IGDCC4: variants seen among roughly 807,000 people sequenced by gnomAD.
IGDCC4 encodes the protein likely ortholog of mouse neighbor of Punc E11.
IGDCC4 carries 72 observed loss-of-function variants against 116.6 expected under a neutral mutation model. The observed-to-expected ratio is 0.62, with a 90% CI of 0.51 to 0.75. IGDCC4 has a LOEUF of 0.75. Ranked by LOEUF, IGDCC4 falls within the 30% of genes least tolerant of loss-of-function variation. IGDCC4 has a pLI of 0.00. For synonymous variants in IGDCC4, 709 were observed against 719.9 expected (o/e 0.98, Z 0.24); for missense variants, 1,501 against 1,662.4 (o/e 0.90, Z 1.69).
chr15:65,416,240 A>C (rs951939580), intron 1 of IGDCC4, among the ~76,000 whole-genome samples: 1 of 142,718 alleles, frequency 7.0e-6, no homozygotes, highest in African/African-American at 2.7e-5. Context: ...CGGGTTCGAG[A>C]CATTCTCCTG....
Position 65,382,055 on chromosome 15 carries a change from A to C in IGDCC4, c.*1954T>G, listed in dbSNP as rs993605159. The C allele has an allele frequency of 1.3e-5, 2 of 152,574 alleles. No individual in the cohort carries two copies. Among genetic ancestry groups the C allele is most frequent in the African/African-American group, 4.8e-5 (2 of 41,436 alleles). 9.5% of individuals were successfully genotyped at this position (152,574 alleles called of 1,614,324 possible). ...GTATAATGCTAAGAGCCTACTGTTA[A>C]AACAGCCATTTAATTCAGGGCAGTT... is the stretch of plus-strand genomic sequence containing the variant. On this transcript the variant is annotated 3_prime_UTR_variant, in exon 20 of 20. Transcript: ENST00000352385.
Position 65,393,317 on chromosome 15 carries a change from C to T in IGDCC4, c.1885+44G>A. On this transcript the variant is annotated intron_variant, in intron 10 of 19. Coordinates refer to ENST00000352385, the MANE Select transcript of IGDCC4 (RefSeq NM_020962.3). The surrounding 1 kb of genome is among the most constrained non-coding windows in gnomAD (Gnocchi z 4.6). ...GGTCCCAAGGACACACGCACACCCACACAGTCACACACACACTGTCCTGTC... is the reference window on the plus strand; with the variant it reads ...GGTCCCAAGGACACACGCACACCCATACAGTCACACACACACTGTCCTGTC... The T allele has an allele frequency of 6.5e-7, 1 of 1,542,322 alleles. No individual in the cohort carries two copies. The highest frequency in any genetic ancestry group is 2.4e-5 in the East Asian group (1 of 42,414).
At chr15:65,417,751 A>T (rs2140242785) in intron 1 of IGDCC4, among the ~76,000 whole-genome samples, 1 of 152,100 alleles carries the variant, frequency 6.6e-6, no homozygotes, top group South Asian at 2.1e-4. Context: ...GTGCGCCACC[A>T]TGCCTGGCTA....
In IGDCC4 at chr15:65,382,378, C is replaced by T. The variant is rs1370913724; in HGVS notation, c.*1631G>A. On this transcript the variant is annotated 3_prime_UTR_variant, in exon 20 of 20. Transcript: ENST00000352385. Reference sequence around the variant, plus strand: ...ATGCTTTCAGGGTTTGAGGAAGCCGCAACTGTGCTGAGAGACATTCCACCA... The same window carrying T: ...ATGCTTTCAGGGTTTGAGGAAGCCGTAACTGTGCTGAGAGACATTCCACCA... 6.9e-6 allele frequency: 1 copy of T among 144,866 alleles called. No homozygotes were observed. Among genetic ancestry groups the T allele is most frequent in the Non-Finnish European group, 1.5e-5 (1 of 66,894 alleles). The allele number at this position is 144,866 out of a possible 1,614,324, so 9.0% of individuals were successfully genotyped here.
intron 5 of IGDCC4, among the ~76,000 whole-genome samples, chr15:65,398,533 CAAA>C (rs3082803): frequency 0.011 from 885 of 77,616 alleles, 11 homozygotes; most frequent in South Asian, 0.066. Context: ...AACTCCATCT[CAAA>C]AAAAAAAAAA....
At position 65,383,825 on chromosome 15, in the gene IGDCC4, T is replaced by C. The variant is rs1051179291; in HGVS notation, c.*184A>G. 3 of 521,980 alleles carry C rather than the reference T, an allele frequency of 5.7e-6. No individual in the cohort carries two copies. Among genetic ancestry groups the C allele is most frequent in the Non-Finnish European group, 1.0e-5 (3 of 298,288 alleles). 32.3% of individuals were successfully genotyped at this position (521,980 alleles called of 1,614,324 possible). Reference sequence around the variant, plus strand: ...ATGTCTTTCACATGTCACATGTGTATCACAAAGAGTATGGGGGGAGTGAAT... The same window carrying C: ...ATGTCTTTCACATGTCACATGTGTACCACAAAGAGTATGGGGGGAGTGAAT... On this transcript the variant is annotated 3_prime_UTR_variant, in exon 20 of 20. Transcript: ENST00000352385.
chr15:65,396,128 A>C lies in IGDCC4; in HGVS notation c.1033T>G (p.Ser345Ala). ...CGCGCTGTGCTCGCCCGCGTCCGCG[A>C]CAGCGCCTCGGGCGCCTGAGTGATG... ...PAITQAPEAL[S>A]RTRASTARFV... is the part of the protein sequence containing the mutation. The change falls in exon 7 of 20, where the codon TCG becomes GCG. Residue 345 changes from serine to alanine, a missense_variant. Around this residue, in one of 3 missense-constraint regions of IGDCC4, gnomAD observed 898 missense variants for 978.9 expected, o/e 0.92. Transcript: ENST00000352385. The C allele has an allele frequency of 6.8e-7, 1 of 1,460,824 alleles. No individual in the cohort carries two copies. The highest frequency in any genetic ancestry group is 9.0e-7 in the Non-Finnish European group (1 of 1,113,392). The allele number at this position is 1,460,824 out of a possible 1,614,324, so 90.5% of individuals were successfully genotyped here.
intron 3 of IGDCC4, among the ~76,000 whole-genome samples, chr15:65,406,127 G>A (rs986673764): frequency 7.2e-5 from 11 of 152,212 alleles, no homozygotes; most frequent in South Asian, 4.1e-4. Context: ...AGTGAATGGC[G>A]ATAACAAAAT....
chr15:65,384,054 T>C lies in IGDCC4; in HGVS notation c.3708A>G (p.Gly1236=), dbSNP rs1567077808. The part of the protein sequence containing the change: ...SCQLKSPCPL[G]ASPGLPRSPV... ...GGGATCTGGGCAGGCCTGGGCTGGC[T>C]CCTAGAGGGCAGGGGGATTTGAGCT... The change falls in exon 20 of 20, where the codon GGA becomes GGG. Residue 1236 remains glycine, a synonymous_variant. Coordinates refer to ENST00000352385, the MANE Select transcript of IGDCC4 (RefSeq NM_020962.3). This position sits in a 1 kb window ranked among gnomAD's most constrained non-coding sequence, Gnocchi z 4.9. 1.2e-6 allele frequency: 2 copies of C among 1,612,402 alleles called. No individual in the cohort carries two copies. Among genetic ancestry groups the C allele is most frequent in the Non-Finnish European group, 8.5e-7 (1 of 1,178,918 alleles).
At chr15:65,410,956 T>A in intron 2 of IGDCC4, 64 bp downstream of exon 2, 1 of 1,341,530 alleles carries the variant, frequency 7.5e-7, no homozygotes, top group African/African-American at 1.5e-5. Flanking sequence ...TAACTGCAGA[T>A]CCCACTTCGC....
At position 65,411,047 on chromosome 15, in the gene IGDCC4, T is replaced by C. The variant is rs1399395193; in HGVS notation, c.394A>G (p.Ser132Gly). Residue 132 changes from serine to glycine, a missense_variant, in exon 2 of 20, where the codon AGC (serine) becomes GGC (glycine). Around this residue, in one of 3 missense-constraint regions of IGDCC4, gnomAD observed 898 missense variants for 978.9 expected, o/e 0.92. Transcript: ENST00000352385. The part of the protein sequence containing the change: ...LAHGPLGVLA[S>G]QTAVVKLATL... ...GCAAGCTTGACGACAGCAGTCTGGC[T>C]GGCCAGCACTCCGAGGGGGCCGTGG... 5 of 1,611,938 alleles carry C rather than the reference T, an allele frequency of 3.1e-6. No individual in the cohort carries two copies. The African/African-American group carries it at 5.3e-5, about 17-fold the overall frequency.
rs991129218 is a variant in IGDCC4 at position 65,395,660 on chromosome 15, C to T, written c.1411+90G>A. 8 of 1,320,342 alleles carry T rather than the reference C, an allele frequency of 6.1e-6. No individual in the cohort carries two copies. The Admixed American group carries it at 2.2e-4, about 37-fold the overall frequency. 81.8% of individuals were successfully genotyped at this position (1,320,342 alleles called of 1,614,324 possible). A position where few individuals can be genotyped will look rare whatever the true frequency, so the allele number is the denominator to read the frequency against. ...CCATCCTTGCCGCAGAGGTACCCAT[C>T]AGGCAACCCTTCAGTCATCCGACCT... On this transcript the variant is annotated intron_variant, in intron 7 of 19. Coordinates refer to ENST00000352385, the MANE Select transcript of IGDCC4 (RefSeq NM_020962.3).
rs1342094735 is a variant in IGDCC4 at position 65,385,847 on chromosome 15, C to A, written c.3164G>T (p.Ser1055Ile). The change falls in exon 18 of 20, where the codon AGT (serine) becomes ATT (isoleucine). Residue 1055 changes from serine (S) to isoleucine (I), a missense_variant. Coordinates refer to ENST00000352385, the MANE Select transcript of IGDCC4 (RefSeq NM_020962.3). ...LMGGGVSEGRSHSKRKISWAQ... is the reference protein window; with the variant it reads ...LMGGGVSEGRIHSKRKISWAQ... ...CTGACTTACCTTTCTTTTGGAGTGA[C>A]TCCGGCCTTCAGAAACACCGCCACC... The A allele has an allele frequency of 6.2e-7, 1 of 1,612,556 alleles. No individual in the cohort carries two copies. The highest frequency in any genetic ancestry group is 2.2e-5 in the East Asian group (1 of 44,882).
intron 10 of IGDCC4, among the ~76,000 whole-genome samples, 162 bp from the exon 11 acceptor site, chr15:65,392,532 G>C (rs1291905479): frequency 2.0e-5 from 3 of 152,186 alleles, no homozygotes; most frequent in African/African-American, 7.2e-5. Context: ...TCACCACTCA[G>C]CCACCACTCT....
rs778487285 is a variant in IGDCC4 at position 65,384,291 on chromosome 15, G to T, written c.3471C>A (p.Asp1157Glu). The stretch of plus-strand genomic sequence containing the variant: ...GATCAGGAGCCTCTGGAGGCAGGGG[G>T]TCCTCAGGCTCCAGGTCTTGGAGAT... ...DLHLQDLEPE[D>E]PLPPEAPDLI... The change falls in exon 20 of 20, where the codon GAC becomes GAA. Residue 1157 changes from aspartate to glutamate, a missense_variant. By Grantham distance (45) the Asp-to-Glu change is conservative. Transcript: ENST00000352385. This position sits in a 1 kb window ranked among gnomAD's most constrained non-coding sequence, Gnocchi z 4.9. 6.2e-6 allele frequency: 10 copies of T among 1,608,036 alleles called. No homozygotes were observed. The highest frequency in any genetic ancestry group is 2.2e-5 in the East Asian group (1 of 44,790).
chr15:65,389,138 G>A, intron 14 of IGDCC4, 146 bp downstream of exon 14: 1 of 1,203,244 alleles, frequency 8.3e-7, no homozygotes, highest in Non-Finnish European at 1.1e-6. Context: ...TGTGGTTGGA[G>A]GGACTTAACA....
chr15:65,399,289 C>G lies in IGDCC4; in HGVS notation c.841+1517G>C, dbSNP rs901865533. ...AGTTTGAGACCTGCCTGCGCAACAT[C>G]TAGAAACCCTGTCTCTACAAAAAAA... On this transcript the variant is annotated intron_variant, in intron 5 of 19. Transcript: ENST00000352385. 1.3e-5 allele frequency among the ~76,000 whole-genome samples: 2 copies of G among 151,882 alleles called. 1 individual carries two copies. The highest frequency in any genetic ancestry group is 3.9e-4 in the East Asian group (2 of 5,184).
intron 4 of IGDCC4, among the ~76,000 whole-genome samples, chr15:65,401,801 G>A (rs1418200743): frequency 6.6e-6 from 1 of 152,222 alleles, no homozygotes; most frequent in Non-Finnish European, 1.5e-5. Context: ...GAGCAGAGAA[G>A]GCAGGATTCA....
chr15:65,394,469 G>C lies in IGDCC4; in HGVS notation c.1656C>G (p.Pro552=). 3.7e-6 allele frequency: 6 copies of C among 1,613,890 alleles called. No individual in the cohort carries two copies. The highest frequency in any genetic ancestry group is 1.1e-5 in the South Asian group (1 of 91,076). ...DIRVAWLPLP[P]SLSNGQVVKY... Reference sequence around the variant, plus strand: ...TCACCACCTGCCCATTGCTCAGGCTGGGGGGCAGGGGCAGCCACGCCACCC... The same window carrying C: ...TCACCACCTGCCCATTGCTCAGGCTCGGGGGCAGGGGCAGCCACGCCACCC... The change falls in exon 9 of 20, where the codon CCC becomes CCG. Residue 552 remains proline, a synonymous_variant. Coordinates refer to ENST00000352385, the MANE Select transcript of IGDCC4 (RefSeq NM_020962.3).
Sources: allele counts gnomAD v4.1 joint callset (sites outside exome capture counted in the v4.1 genomes callset), GRCh38; gene constraint gnomAD v4.1.1; regional missense constraint gnomAD v4.1.1; non-coding constraint Gnocchi (gnomAD v3.1); transcripts MANE v1.5; gene names NCBI Gene and HGNC (gene_info 2026-07-23, HGNC 2026-07-21).